The following LGI1 variants were observed in gnomAD, a reference collection of about 807,000 sequenced individuals.
LGI1 encodes the protein leucine rich glioma inactivated 1.
A neutral mutation model predicts 57.7 loss-of-function variants in LGI1; 11 were observed. The observed-to-expected ratio is 0.19, with a 90% confidence interval of 0.12 to 0.32. LGI1 has a LOEUF of 0.32. Ranked by LOEUF, LGI1 falls within the 10% of genes least tolerant of loss-of-function variation. LGI1 has a pLI of 1.00. For missense variants in LGI1, 422 were observed against 661.9 expected, an observed-to-expected ratio of 0.64 and a Z score of 3.98; for synonymous variants, 222 against 241.9, an observed-to-expected ratio of 0.92 and a Z score of 0.76.
At position 93,775,676 on chromosome 10, in the gene LGI1, G is replaced by A. The variant is rs144043561; in HGVS notation, c.288-1703G>A. The stretch of plus-strand genomic sequence containing the variant: ...AGCAGAAATCCTCTCTTTTCTTCCC[G>A]TGACGTGCATGGGCAAGTTCTGCCC... On this transcript the variant is annotated intron_variant, in intron 2 of 7. Coordinates refer to ENST00000371418, the MANE Select transcript of LGI1 (RefSeq NM_005097.4). 4.5e-3 allele frequency among the ~76,000 whole-genome samples: 687 copies of A among 152,262 alleles called. 1 individual carries two copies. The highest frequency in any genetic ancestry group is 0.013 in the South Asian group (61 of 4,822).
Position 93,758,949 on chromosome 10 carries a change from A to G in LGI1, c.287+118A>G. ...GTGATTCTATTTCTGAGAAAACAGAATATCCGTAAAGTGAGAGGTAGATGG... is the reference window on the plus strand; with the variant it reads ...GTGATTCTATTTCTGAGAAAACAGAGTATCCGTAAAGTGAGAGGTAGATGG... On this transcript the variant is annotated intron_variant, in intron 2 of 7. Transcript: ENST00000371418. This position sits in a 1 kb window ranked among gnomAD's most constrained non-coding sequence, Gnocchi z 4.7. The G allele has an allele frequency of 1.2e-6, 1 of 830,364 alleles. No individual in the cohort carries two copies. Among genetic ancestry groups the G allele is most frequent in the Non-Finnish European group, 2.0e-6 (1 of 501,144 alleles). 51.4% of individuals were successfully genotyped at this position (830,364 alleles called of 1,614,324 possible).
At chr10:93,762,872 A>G (rs2059638015) in intron 2 of LGI1, 1 of 152,172 alleles carries the variant, frequency 6.6e-6, no homozygotes, top group Non-Finnish European at 1.5e-5. Context: ...CACTCACCAC[A>G]ATTGTTTTCT....
chr10:93,781,634 T>C (rs2059848598), intron 4 of LGI1, among the ~76,000 whole-genome samples: 1 of 152,200 alleles, frequency 6.6e-6, no homozygotes, highest in Non-Finnish European at 1.5e-5. Context: ...TTTTGTATAT[T>C]TGAATTTTTC....
In LGI1 at chr10:93,797,489, G is replaced by A; in HGVS notation, c.1360G>A (p.Asp454Asn). 6.2e-7 allele frequency: 1 copy of A among 1,614,206 alleles called. No homozygotes were observed. Among genetic ancestry groups the A allele is most frequent in the Non-Finnish European group, 8.5e-7 (1 of 1,180,032 alleles). ...CATTTGCTTGACAAGATTCATTGGT[G>A]ATTCCAAAGTCATGAAATGGGGAGG... ...VYICLTRFIGDSKVMKWGGSS... is the reference protein window; with the variant it reads ...VYICLTRFIGNSKVMKWGGSS... Residue 454 changes from aspartate to asparagine, a missense_variant, in exon 8 of 8, where the codon GAT (aspartate) becomes AAT (asparagine). By Grantham distance (23) the Asp-to-Asn change is conservative. This residue lies in a region of LGI1 where 301 missense variants were observed against 461.7 expected (regional missense o/e 0.65). Coordinates refer to ENST00000371418, the MANE Select transcript of LGI1 (RefSeq NM_005097.4). The surrounding 1 kb of genome is among the most constrained non-coding windows in gnomAD (Gnocchi z 6.5).
intron 2 of LGI1, chr10:93,763,269 T>TACACACACAGACACACAC (rs1379126044): frequency 6.7e-6 from 1 of 148,952 alleles, no homozygotes; most frequent in Non-Finnish European, 1.5e-5. Flanking sequence ...TCATTGACTC[T>TACACACACAGACACACAC]ACACACACAG....
Position 93,770,132 on chromosome 10 carries a change from A to C in LGI1, c.288-7247A>C, listed in dbSNP as rs934974292. On this transcript the variant is annotated intron_variant, in intron 2 of 7. Transcript: ENST00000371418. ...CACATGCCTACTCTTTCATGAATGA[A>C]GGCTACAGTGCTATAAGCATAGACT... 3 of 152,320 alleles carry C rather than the reference A, an allele frequency of 2.0e-5. No homozygotes were observed. The East Asian group carries it at 5.8e-4, about 29-fold the overall frequency. The allele number at this position is 152,320 out of a possible 1,614,324, so 9.4% of individuals were successfully genotyped here. A position where few individuals can be genotyped will look rare whatever the true frequency, so the allele number is the denominator to read the frequency against.
At chr10:93,766,545 C>T (rs2059680667) in intron 2 of LGI1, among the ~76,000 whole-genome samples, 1 of 70,500 alleles carries the variant, frequency 1.4e-5, no homozygotes, top group Non-Finnish European at 2.5e-5. Flanking sequence ...CGCTCTGTCC[C>T]CCAGGCTGGA....
chr10:93,790,895 T>C (rs1388787594), intron 5 of LGI1: 2 of 152,218 alleles, frequency 1.3e-5, no homozygotes, highest in Admixed American at 1.3e-4. Context: ...ATTAGAAAGG[T>C]ATTTAAATGT....
Position 93,790,100 on chromosome 10 carries a change from A to C in LGI1, c.433A>C (p.Ser145Arg). ...TCACCTTTTTTTTTTTTTTTCCAGGAGCCTTGCAAACAACAATCTCCAGAC... is the reference window on the plus strand; with the variant it reads ...TCACCTTTTTTTTTTTTTTTCCAGGCGCCTTGCAAACAACAATCTCCAGAC... ...FRGLKSLIHLSLANNNLQTLP... is the reference protein window; with the variant it reads ...FRGLKSLIHLRLANNNLQTLP... The change falls in exon 5 of 8, where the codon AGC (serine) becomes CGC (arginine). Residue 145 changes from serine (S) to arginine (R), a missense_variant and splice_region_variant. Transcript: ENST00000371418. 6.5e-7 allele frequency: 1 copy of C among 1,547,220 alleles called. No homozygotes were observed. Among genetic ancestry groups the C allele is most frequent in the Non-Finnish European group, 8.7e-7 (1 of 1,150,246 alleles).
Position 93,790,141 on chromosome 10 carries a change from T to C in LGI1, c.474T>C (p.Ile158=). ...NNNLQTLPKD[I]FKGLDSLTNV... ...ATCTCCAGACACTCCCAAAAGATAT[T>C]TTCAAAGGCCTGGATTCTTTAACAA... is the stretch of plus-strand genomic sequence containing the variant. Residue 158 remains isoleucine (I), a synonymous_variant, in exon 5 of 8, where the codon ATT becomes ATC. Transcript: ENST00000371418. 1 of 1,609,716 alleles carries C rather than the reference T, an allele frequency of 6.2e-7. No homozygotes were observed. The highest frequency in any genetic ancestry group is 8.5e-7 in the Non-Finnish European group (1 of 1,179,456).
chr10:93,762,338 A>G (rs987160762), intron 2 of LGI1: 8 of 152,236 alleles, frequency 5.3e-5, no homozygotes, highest in Admixed American at 3.9e-4. Flanking sequence ...TACCTGATCC[A>G]TAAGAAATTA....
intron 4 of LGI1, among the ~76,000 whole-genome samples, chr10:93,786,662 T>C (rs2059894100): frequency 5.4e-5 from 1 of 18,426 alleles, no homozygotes; most frequent in African/African-American, 5.8e-5. Flanking sequence ...AGTGGTATGA[T>C]CATGGCTCAC....
At position 93,758,067 on chromosome 10, in the gene LGI1, G is replaced by A. The variant is rs1589746876; in HGVS notation, c.-78G>A. The A allele has an allele frequency of 7.7e-7, 1 of 1,303,692 alleles. No homozygotes were observed. Among genetic ancestry groups the A allele is most frequent in the East Asian group, 2.4e-5 (1 of 42,246 alleles). 80.8% of individuals were successfully genotyped at this position (1,303,692 alleles called of 1,614,324 possible). A position where few individuals can be genotyped will look rare whatever the true frequency, so the allele number is the denominator to read the frequency against. ...AGAGGAAAAGGGTGGACTCCTATGTGACCTGTTCTTAGAGCAAGACAATCA... is the reference window on the plus strand; with the variant it reads ...AGAGGAAAAGGGTGGACTCCTATGTAACCTGTTCTTAGAGCAAGACAATCA... On this transcript the variant is annotated 5_prime_UTR_variant, in exon 1 of 8. The change abolishes the stop of an existing upstream ORF in the 5' untranslated region. Coordinates refer to ENST00000371418, the MANE Select transcript of LGI1 (RefSeq NM_005097.4). This position sits in a 1 kb window ranked among gnomAD's most constrained non-coding sequence, Gnocchi z 4.7.
chr10:93,786,857 GT>G (rs1199317382), intron 4 of LGI1, among the ~76,000 whole-genome samples: 1 of 152,210 alleles, frequency 6.6e-6, no homozygotes, highest in Admixed American at 6.5e-5. Flanking sequence ...GCCTCCCAAA[GT>G]GCTGGGATTA....
rs1349448852 is a variant in LGI1, at chr10:93,758,649, T to C, written c.216-111T>C. On this transcript the variant is annotated intron_variant, in intron 1 of 7. Coordinates refer to ENST00000371418, the MANE Select transcript of LGI1 (RefSeq NM_005097.4). The surrounding 1 kb of genome is among the most constrained non-coding windows in gnomAD (Gnocchi z 4.7). ...TAGTATCGTACTTCATAAAATAGTG[T>C]CAAAATAGTCACTGTTATGCTAAAC... 2 of 791,228 alleles carry C rather than the reference T, an allele frequency of 2.5e-6. No homozygotes were observed. Among genetic ancestry groups the C allele is most frequent in the Middle Eastern group, 3.3e-4 (1 of 3,044 alleles). 49.0% of individuals were successfully genotyped at this position (791,228 alleles called of 1,614,324 possible). A position where few individuals can be genotyped will look rare whatever the true frequency, so the allele number is the denominator to read the frequency against.
Position 93,758,643 on chromosome 10 carries a change from A to C in LGI1, c.216-117A>C. On this transcript the variant is annotated intron_variant, in intron 1 of 7. Coordinates refer to ENST00000371418, the MANE Select transcript of LGI1 (RefSeq NM_005097.4). This position sits in a 1 kb window ranked among gnomAD's most constrained non-coding sequence, Gnocchi z 4.7. Reference sequence around the variant, plus strand: ...AAGGAATAGTATCGTACTTCATAAAATAGTGTCAAAATAGTCACTGTTATG... The same window carrying C: ...AAGGAATAGTATCGTACTTCATAAACTAGTGTCAAAATAGTCACTGTTATG... 1.3e-6 allele frequency: 1 copy of C among 769,130 alleles called. No individual in the cohort carries two copies. Among genetic ancestry groups the C allele is most frequent in the African/African-American group, 1.7e-5 (1 of 57,960 alleles). The allele number at this position is 769,130 out of a possible 1,614,324, so 47.6% of individuals were successfully genotyped here. A position where few individuals can be genotyped will look rare whatever the true frequency, so the allele number is the denominator to read the frequency against.
At chr10:93,770,444 G>C (rs1375223468) in intron 2 of LGI1, 1 of 152,254 alleles carries the variant, frequency 6.6e-6, no homozygotes, top group African/African-American at 2.4e-5. Flanking sequence ...CCGGTATTTG[G>C]GCAGCCTTAC....
chr10:93,773,367 CA>C (rs2059758657), intron 2 of LGI1, among the ~76,000 whole-genome samples: 1 of 152,094 alleles, frequency 6.6e-6, no homozygotes, highest in Non-Finnish European at 1.5e-5. Context: ...GGTACTGAAC[CA>C]GGGGTCTTGG....
chr10:93,793,669 T>A (rs1202750990), intron 7 of LGI1, among the ~76,000 whole-genome samples: 1 of 152,236 alleles, frequency 6.6e-6, no homozygotes, highest in African/African-American at 2.4e-5. Flanking sequence ...TGGTGAATCA[T>A]GAGTTCTAGT....
Sources: allele counts gnomAD v4.1 joint callset (sites outside exome capture counted in the v4.1 genomes callset), GRCh38; gene constraint gnomAD v4.1.1; regional missense constraint gnomAD v4.1.1; non-coding constraint Gnocchi (gnomAD v3.1); transcripts MANE v1.5; gene names NCBI Gene and HGNC (gene_info 2026-07-23, HGNC 2026-07-21).